Variants in CPNE4 observed in about 807,000 individuals in gnomAD.
CPNE4 encodes copine-4.
A neutral mutation model predicts 67.9 loss-of-function variants in CPNE4; 25 were observed. The observed-to-expected ratio is 0.37, with a 90% CI of 0.27 to 0.51. The LOEUF (loss-of-function observed/expected upper bound fraction) is 0.51. Among genes scored for constraint, CPNE4 ranks in the 20% least tolerant of loss-of-function variants. CPNE4 has a pLI of 0.93. For missense variants in CPNE4, 464 were observed against 690.8 expected, an observed-to-expected ratio of 0.67 and a Z score of 3.68; for synonymous variants, 242 against 244.9, an observed-to-expected ratio of 0.99 and a Z score of 0.11.
At chr3:131,662,153 A>G (rs898028768) in intron 7 of CPNE4, among the ~76,000 whole-genome samples, 3 of 152,190 alleles carry the variant, frequency 2.0e-5, no homozygotes, top group African/African-American at 7.2e-5. Context: ...AGAGGCAAGT[A>G]GGGACCCAGG....
intron 2 of CPNE4, among the ~76,000 whole-genome samples, chr3:131,757,205 GAGA>G (rs2082771860): frequency 1.3e-5 from 2 of 152,192 alleles, no homozygotes; most frequent in South Asian, 2.1e-4. Flanking sequence ...TTGAAGGGCT[GAGA>G]AGAAGACAGG....
At chr3:131,582,292 G>T (rs753036299) in intron 8 of CPNE4, among the ~76,000 whole-genome samples, 2 of 152,166 alleles carry the variant, frequency 1.3e-5, no homozygotes, top group Admixed American at 6.5e-5. Context: ...CCTTTTTGAA[G>T]GATAAGATCA....
At chr3:131,976,452 T>G (rs2072656018) in intron 1 of CPNE4, among the ~76,000 whole-genome samples, 1 of 152,100 alleles carries the variant, frequency 6.6e-6, no homozygotes, top group Non-Finnish European at 1.5e-5. Flanking sequence ...AGAAAAAGAC[T>G]TTGGTTTTTA....
chr3:131,935,504 A>G (rs1583476390), intron 1 of CPNE4, among the ~76,000 whole-genome samples: 1 of 152,128 alleles, frequency 6.6e-6, no homozygotes, highest in East Asian at 1.9e-4. Flanking sequence ...GGTAGAGGAG[A>G]GAAAAAGTTG....
At chr3:131,885,503 T>G (rs868166610) in intron 2 of CPNE4, among the ~76,000 whole-genome samples, 20 of 151,934 alleles carry the variant, frequency 1.3e-4, no homozygotes, top group Middle Eastern at 3.4e-3. Context: ...GTGTTTTTTG[T>G]TTTTTGTTTT....
At chr3:132,011,596 A>G (rs2073764106) in intron 1 of CPNE4, among the ~76,000 whole-genome samples, 1 of 152,216 alleles carries the variant, frequency 6.6e-6, no homozygotes, top group Admixed American at 6.5e-5. Flanking sequence ...AAGAAAGCAA[A>G]GTCAAACCCC....
chr3:131,979,379 A>G (rs1415713102), intron 1 of CPNE4, among the ~76,000 whole-genome samples: 1 of 152,154 alleles, frequency 6.6e-6, no homozygotes, highest in Non-Finnish European at 1.5e-5. Flanking sequence ...TGTTAGGTGC[A>G]TATCTGTTTA....
chr3:131,849,857 A>G (rs1454206199), intron 2 of CPNE4, among the ~76,000 whole-genome samples: 1 of 152,186 alleles, frequency 6.6e-6, no homozygotes, highest in Non-Finnish European at 1.5e-5. Flanking sequence ...TCTGAGCTAA[A>G]TAAAGTCCTA....
chr3:131,744,882 G>A (rs1181954172), intron 2 of CPNE4, among the ~76,000 whole-genome samples: 1 of 152,142 alleles, frequency 6.6e-6, no homozygotes, highest in Non-Finnish European at 1.5e-5. Flanking sequence ...CAGATGGGGG[G>A]TGTTATAAAC....
intron 2 of CPNE4, among the ~76,000 whole-genome samples, chr3:131,852,218 G>A (rs554997407): frequency 4.6e-5 from 7 of 151,916 alleles, no homozygotes; most frequent in African/African-American, 1.7e-4. Flanking sequence ...TTCCTACCAG[G>A]AAATAAATCT....
intron 11 of CPNE4, among the ~76,000 whole-genome samples, chr3:131,560,137 G>A (rs1442843058): frequency 1.3e-5 from 2 of 151,968 alleles, no homozygotes; most frequent in Admixed American, 1.3e-4. Context: ...AATCACCTCT[G>A]ACATTTATTG....
intron 2 of CPNE4, among the ~76,000 whole-genome samples, chr3:131,801,211 A>T (rs1222820374): frequency 6.6e-6 from 1 of 151,544 alleles, no homozygotes; most frequent in African/African-American, 2.4e-5. Flanking sequence ...ATCAATCAGT[A>T]CTCAGACAGT....
At chr3:132,036,360 G>A (rs2074338498), upstream of CPNE4, among the ~76,000 whole-genome samples, 1 of 152,122 alleles carries the variant, frequency 6.6e-6, no homozygotes, top group Admixed American at 6.5e-5. Context: ...CTAGGAGCAT[G>A]TGATGTCTTC....
chr3:131,898,044 G>A (rs1051460427), intron 2 of CPNE4, among the ~76,000 whole-genome samples: 1 of 151,968 alleles, frequency 6.6e-6, no homozygotes, highest in African/African-American at 2.4e-5. Context: ...TATATTTAAG[G>A]TATTATAAAT....
chr3:131,909,351 C>G (rs2107785503), intron 1 of CPNE4, among the ~76,000 whole-genome samples: 1 of 152,256 alleles, frequency 6.6e-6, no homozygotes, highest in Admixed American at 6.6e-5. Context: ...AAAGCCCTCT[C>G]TTGGTCCATA....
intron 1 of CPNE4, 85 bp from the exon 2 acceptor site, chr3:131,905,529 A>T (rs1429893306): frequency 1.3e-5 from 16 of 1,274,732 alleles, no homozygotes; most frequent in Non-Finnish European, 1.7e-5. Flanking sequence ...ATCACCCTTC[A>T]GAAAATTGTT....
chr3:131,598,208 G>A (rs1282510623), intron 7 of CPNE4, among the ~76,000 whole-genome samples: 1 of 152,142 alleles, frequency 6.6e-6, no homozygotes, highest in Non-Finnish European at 1.5e-5. Context: ...ATAATGCTGT[G>A]AGACCTTGGG....
intron 7 of CPNE4, among the ~76,000 whole-genome samples, chr3:131,611,144 C>T (rs962670502): frequency 3.3e-5 from 5 of 152,036 alleles, no homozygotes; most frequent in African/African-American, 4.8e-5. Flanking sequence ...GATTCACTGC[C>T]TATAACAGTG....
At position 131,547,015 on chromosome 3, in the gene CPNE4, G is replaced by A. The variant is rs138489823; in HGVS notation, c.1302+2932C>T. Among the ~76,000 whole-genome samples the A allele has an allele frequency of 3.8e-3, 580 of 152,226 alleles. 4 individuals are homozygous for A. Among genetic ancestry groups the A allele is most frequent in the African/African-American group, 0.014 (563 of 41,542 alleles). On this transcript the variant is annotated intron_variant, in intron 14 of 15. Transcript: ENST00000429747. ...AGGTTAAAAAATAAAATAAAATAAT[G>A]GTCACATCCAAACCTTATTCCTAAA...
Sources: gnomAD v4.1 joint callset for allele counts (sites outside exome capture counted in the v4.1 genomes callset) on GRCh38, gnomAD v4.1.1 for gene constraint, MANE v1.5 for transcripts, NCBI Gene and HGNC (gene_info 2026-07-23, HGNC 2026-07-21) for gene names.